SERINC1: variants seen among roughly 807,000 people sequenced by gnomAD.
SERINC1 encodes serine incorporator 1, also known as tumor differentially expressed protein 2.
Under a neutral mutation model 52.9 loss-of-function variants are expected in SERINC1, and 38 were observed. The ratio of observed to expected loss-of-function variants is 0.72; its 90% CI spans 0.55 to 0.94. The LOEUF (loss-of-function observed/expected upper bound fraction) is 0.94, where lower values mean the gene tolerates loss of function less well. Ranked by LOEUF, SERINC1 falls within the 40% of genes least tolerant of loss-of-function variation. The pLI is 0.00. For missense variants in SERINC1, 471 were observed against 533.9 expected, an observed-to-expected ratio of 0.88 and a Z score of 1.16; for synonymous variants, 198 against 183.1, an observed-to-expected ratio of 1.08 and a Z score of -0.66.
At chr6:122,450,090 A>C (rs923151406) in intron 7 of SERINC1, among the ~76,000 whole-genome samples, 1 of 152,248 alleles carries the variant, frequency 6.6e-6, no homozygotes, top group Non-Finnish European at 1.5e-5. Flanking sequence ...ATAGACTTCT[A>C]TTGTAAGAAG....
intron 2 of SERINC1, among the ~76,000 whole-genome samples, chr6:122,456,926 T>C (rs553275251): frequency 1.9e-4 from 29 of 152,304 alleles, no homozygotes; most frequent in African/African-American, 7.0e-4. Flanking sequence ...TTTTAAAAAC[T>C]TGCATTCTAC....
chr6:122,447,351 AC>A, intron 7 of SERINC1, 86 bp from the exon 8 acceptor site: 1 of 964,816 alleles, frequency 1.0e-6, no homozygotes. Flanking sequence ...AACTCTCTAT[AC>A]CCCTGCAAAT....
intron 1 of SERINC1, among the ~76,000 whole-genome samples, chr6:122,462,466 CCCAAAGAGGG>C (rs1277805584): frequency 1.3e-5 from 2 of 151,962 alleles, no homozygotes; most frequent in African/African-American, 4.8e-5. Context: ...TATAGAAAAT[CCCAAAGAGGG>C]CCATACACCA....
At chr6:122,449,774 T>C (rs566799470) in intron 7 of SERINC1, among the ~76,000 whole-genome samples, 11 of 152,330 alleles carry the variant, frequency 7.2e-5, no homozygotes, top group East Asian at 5.8e-4. Context: ...TTCAGCACTT[T>C]GGGAGGCTGA....
intron 1 of SERINC1, among the ~76,000 whole-genome samples, chr6:122,470,209 C>T (rs1775256643): frequency 6.6e-6 from 1 of 152,186 alleles, no homozygotes; most frequent in African/African-American, 2.4e-5. Context: ...ACCCCCATCT[C>T]TAAAAAACTG....
At position 122,471,667 on chromosome 6, in the gene SERINC1, T is replaced by C. The variant is rs1165019300; in HGVS notation, c.39+32A>G. 7 of 1,613,810 alleles carry C rather than the reference T, an allele frequency of 4.3e-6. No homozygotes were observed. In the South Asian group the frequency reaches 6.6e-5, roughly 15 times the overall value. ...TCGCCTTCTCTTTGGTCTCTCACAC[T>C]AGCACCCCAGAGGCCGCAAAAAGCA... On this transcript the variant is annotated intron_variant, in intron 1 of 9. Transcript: ENST00000339697.
rs1774815712 is a variant in SERINC1, at chr6:122,446,928, C to T, written c.1072G>A (p.Gly358Arg). 2.5e-6 allele frequency: 4 copies of T among 1,613,654 alleles called. No individual in the cohort carries two copies. The East Asian group carries it at 6.7e-5, about 27-fold the overall frequency. The change falls in exon 9 of 10, where the codon GGA (glycine) becomes AGA (arginine). Residue 358 changes from glycine (G) to arginine (R), a missense_variant. By Grantham distance (125) the Gly-to-Arg change is moderately radical (BLOSUM62 -2). Transcript: ENST00000339697. ...SDESTLIEDG[G>R]ARSDGSLEDG... ...TCCAGTGATCCATCACTTCTAGCTC[C>T]ACCATCTTCTATTAATGTAGATTCA...
At chr6:122,468,967 A>T (rs1775229617) in intron 1 of SERINC1, among the ~76,000 whole-genome samples, 1 of 152,222 alleles carries the variant, frequency 6.6e-6, no homozygotes. Context: ...GCATGTAAGT[A>T]GGTATTAGTG....
Position 122,446,932 on chromosome 6 carries a change from A to G in SERINC1, c.1068T>C (p.Asp356=), listed in dbSNP as rs945819365. 1.2e-5 allele frequency: 20 copies of G among 1,613,574 alleles called. No homozygotes were observed. The highest frequency in any genetic ancestry group is 1.7e-5 in the Admixed American group (1 of 59,996). The part of the protein sequence containing the change: ...LTSDESTLIE[D]GGARSDGSLE... Reference sequence around the variant, plus strand: ...GTGATCCATCACTTCTAGCTCCACCATCTTCTATTAATGTAGATTCATCAC... The same window carrying G: ...GTGATCCATCACTTCTAGCTCCACCGTCTTCTATTAATGTAGATTCATCAC... The change falls in exon 9 of 10, where the codon GAT becomes GAC. Residue 356 remains aspartate, a synonymous_variant. Coordinates refer to ENST00000339697, the MANE Select transcript of SERINC1 (RefSeq NM_020755.4).
Position 122,452,050 on chromosome 6 carries a change from TAAC to T in SERINC1, c.594_596del (p.Leu199del), listed in dbSNP as rs1774919427. The T allele has an allele frequency of 1.3e-6, 2 of 1,512,464 alleles. No homozygotes were observed. Among genetic ancestry groups the T allele is most frequent in the Non-Finnish European group, 1.8e-6 (2 of 1,132,680 alleles). 93.7% of individuals were successfully genotyped at this position (1,512,464 alleles called of 1,614,324 possible). On this transcript the variant is annotated inframe_deletion, in exon 6 of 10. Transcript: ENST00000339697. ...GCAGATAATTCAGAGCTGTAGCTGA[TAAC>T]AAGGCTGTGAAAGAAATATAATTGG...
chr6:122,470,991 TA>T (rs920366007), intron 1 of SERINC1, among the ~76,000 whole-genome samples: 3 of 151,232 alleles, frequency 2.0e-5, no homozygotes, highest in African/African-American at 7.3e-5. Context: ...TACAGCTAAT[TA>T]AGCATGAAAT....
intron 5 of SERINC1, among the ~76,000 whole-genome samples, chr6:122,453,079 T>C (rs1774939269): frequency 6.6e-6 from 1 of 152,194 alleles, no homozygotes; most frequent in Admixed American, 6.5e-5. Flanking sequence ...AGCTGAGCAG[T>C]AGTAATGCAC....
At chr6:122,456,738 GT>G in intron 2 of SERINC1, 88 bp from the exon 3 acceptor site, 1 of 1,024,652 alleles carries the variant, frequency 9.8e-7, no homozygotes, top group Non-Finnish European at 1.4e-6. Context: ...TTAAGTAAAG[GT>G]TTAGAAAACT....
At chr6:122,467,922 T>G (rs181539861) in intron 1 of SERINC1, among the ~76,000 whole-genome samples, 1 of 152,116 alleles carries the variant, frequency 6.6e-6, no homozygotes, top group Admixed American at 6.6e-5. Flanking sequence ...TAGAAGACAA[T>G]GTCTAAAACA....
intron 9 of SERINC1, among the ~76,000 whole-genome samples, chr6:122,446,062 T>A (rs502103): frequency 0.8 from 120,786 of 151,628 alleles, 48,343 homozygotes; most frequent in South Asian, 0.92. Flanking sequence ...CGCCTTACAA[T>A]TTGTTTATTA....
At chr6:122,470,627 G>C (rs1325824114) in intron 1 of SERINC1, among the ~76,000 whole-genome samples, 1 of 152,090 alleles carries the variant, frequency 6.6e-6, no homozygotes. Context: ...CAAAAGAACA[G>C]ACTGGCTGGA....
intron 9 of SERINC1, among the ~76,000 whole-genome samples, chr6:122,445,865 CAG>C (rs1445709363): frequency 1.3e-5 from 1 of 75,286 alleles, no homozygotes; most frequent in East Asian, 3.7e-4. Flanking sequence ...GCCTGGGTGA[CAG>C]AGCAAGACTC....
chr6:122,448,424 A>C (rs1327220814), intron 7 of SERINC1, among the ~76,000 whole-genome samples: 1 of 152,232 alleles, frequency 6.6e-6, no homozygotes, highest in East Asian at 1.9e-4. Flanking sequence ...AGATTCATAT[A>C]ACATCAGATA....
intron 1 of SERINC1, among the ~76,000 whole-genome samples, chr6:122,465,096 T>C (rs1296188844): frequency 6.6e-6 from 1 of 152,162 alleles, no homozygotes; most frequent in African/African-American, 2.4e-5. Context: ...TTGTTCTAGT[T>C]CTTTTGTTTT....
Sources: allele counts gnomAD v4.1 joint callset (sites outside exome capture counted in the v4.1 genomes callset), GRCh38; gene constraint gnomAD v4.1.1; transcripts MANE v1.5; gene names NCBI Gene and HGNC (gene_info 2026-07-23, HGNC 2026-07-21).